PTPN22: variants seen among roughly 807,000 people sequenced by gnomAD.
PTPN22 encodes the protein tyrosine-protein phosphatase non-receptor type 22.
In PTPN22, 85 loss-of-function variants were observed where a neutral mutation model predicts 103.3. That is an observed-to-expected ratio of 0.82 (90% CI 0.69 to 0.99). The LOEUF is 0.99. PTPN22 is among the 50% of genes least tolerant of loss of function. The pLI is 0.00. For synonymous variants in PTPN22, 323 were observed against 310.2 expected, an observed-to-expected ratio of 1.04 and a Z score of -0.43; for missense variants, 865 against 936.9, an observed-to-expected ratio of 0.92 and a Z score of 1.00.
intron 9 of PTPN22, among the ~76,000 whole-genome samples, chr1:113,853,427 T>G (rs1368710472): frequency 6.7e-6 from 1 of 149,700 alleles, no homozygotes; most frequent in Non-Finnish European, 1.5e-5. Flanking sequence ...CTTGGCTCAC[T>G]GCAACCTCCA....
At chr1:113,834,240 TA>T in intron 15 of PTPN22, 68 bp downstream of exon 15, 1 of 1,473,982 alleles carries the variant, frequency 6.8e-7, no homozygotes, top group Non-Finnish European at 9.3e-7. Flanking sequence ...TGATGGGTGT[TA>T]AAAATACAAG....
rs948384590 is a variant in PTPN22, at chr1:113,838,382, T to G, written c.1018A>C (p.Asn340His). 4.4e-6 allele frequency: 7 copies of G among 1,591,248 alleles called. No individual in the cohort carries two copies. In the Admixed American group the frequency reaches 7.2e-5, roughly 16 times the overall value. ...ATTTCCATTTTTGTCCTTTGTTGGT[T>G]CATCATTTTTGCTGCTTTTGTGGTA... The change falls in exon 13 of 21, where the codon AAC becomes CAC. Residue 340 changes from asparagine (N) to histidine (H), a missense_variant. Physicochemically the swap from Asn to His is moderately conservative, Grantham distance 68. Coordinates refer to ENST00000359785, the Ensembl canonical transcript of PTPN22.
chr1:113,835,289 C>T (rs1172602745), intron 13 of PTPN22, among the ~76,000 whole-genome samples: 3 of 152,084 alleles, frequency 2.0e-5, no homozygotes, highest in African/African-American at 7.2e-5. Flanking sequence ...GAGGCCGAGG[C>T]GGGCAGATCA....
intron 1 of PTPN22, among the ~76,000 whole-genome samples, chr1:113,861,225 G>GTTTTTTTGTTTGTT: frequency 6.6e-6 from 1 of 151,912 alleles, no homozygotes; most frequent in East Asian, 1.9e-4. Context: ...TTTTCTTTCT[G>GTTTTTTTGTTTGTT]TTTTTTTGTT....
intron 1 of PTPN22, among the ~76,000 whole-genome samples, chr1:113,870,353 C>T (rs1303769899): frequency 6.6e-6 from 1 of 152,148 alleles, no homozygotes; most frequent in African/African-American, 2.4e-5. Flanking sequence ...TCTTTCCACC[C>T]ATTTCTTCAC....
chr1:113,823,247 G>A (rs1354508438), intron 19 of PTPN22: 1 of 152,090 alleles, frequency 6.6e-6, no homozygotes, highest in Non-Finnish European at 1.5e-5. Flanking sequence ...AATATTCATT[G>A]AATGAATGAA....
In PTPN22 at chr1:113,833,103, A is replaced by G; in HGVS notation, c.2053+8T>C. The G allele has an allele frequency of 6.4e-7, 1 of 1,566,662 alleles. No homozygotes were observed. The highest frequency in any genetic ancestry group is 8.8e-7 in the Non-Finnish European group (1 of 1,140,836). On this transcript the variant is annotated splice_region_variant and intron_variant, in intron 16 of 20. Coordinates refer to ENST00000359785, the Ensembl canonical transcript of PTPN22. ...TAAATGTCATCTAAAGCCAAGAGAA[A>G]TTTTTACCTGATTTAGGACTTCGGA...
chr1:113,819,576 C>G lies in PTPN22; in HGVS notation c.2359+1G>C, dbSNP rs770983346. The G allele has an allele frequency of 8.8e-6, 14 of 1,595,666 alleles. No homozygotes were observed. The East Asian group carries it at 3.1e-4, about 36-fold the overall frequency. On this transcript the variant is annotated splice_donor_variant, in intron 20 of 20. Transcript: ENST00000359785. LOFTEE classifies it high-confidence loss of function. ...ACTCTTCAGTAAAATAACACACATACCAAAATTCAGAAATGAGCTGGAGTT... is the reference window on the plus strand; with the variant it reads ...ACTCTTCAGTAAAATAACACACATAGCAAAATTCAGAAATGAGCTGGAGTT...
At chr1:113,846,462 A>T (rs1664057303) in intron 11 of PTPN22, among the ~76,000 whole-genome samples, 1 of 152,218 alleles carries the variant, frequency 6.6e-6, no homozygotes, top group African/African-American at 2.4e-5. Context: ...TAATACATTT[A>T]GAACAACATC....
At chr1:113,850,531 A>C (rs1217406) in intron 10 of PTPN22, among the ~76,000 whole-genome samples, 85,102 of 152,072 alleles carry the variant, frequency 0.56, 24,579 homozygotes, top group South Asian at 0.65. Flanking sequence ...ATACTTCTGG[A>C]ATCTTTATGC....
chr1:113,856,753 C>T (rs1169670039), intron 5 of PTPN22, 134 bp from the exon 6 acceptor site: 3 of 1,091,148 alleles, frequency 2.7e-6, no homozygotes, highest in Non-Finnish European at 2.6e-6. Context: ...GGCTTCAACC[C>T]CTACATTATT....
intron 11 of PTPN22, among the ~76,000 whole-genome samples, chr1:113,843,684 G>A (rs1211925565): frequency 6.6e-6 from 1 of 152,150 alleles, no homozygotes; most frequent in African/African-American, 2.4e-5. Context: ...AAATTAAAAT[G>A]ATATATTATA....
intron 11 of PTPN22, among the ~76,000 whole-genome samples, chr1:113,848,163 C>G (rs528694649): frequency 6.6e-6 from 1 of 152,182 alleles, no homozygotes; most frequent in East Asian, 1.9e-4. Context: ...ATCCTCCTGC[C>G]TCAGCCTCTG....
chr1:113,855,903 T>A (rs1010433823), intron 7 of PTPN22, among the ~76,000 whole-genome samples: 3 of 152,226 alleles, frequency 2.0e-5, no homozygotes, highest in Admixed American at 6.5e-5. Context: ...CTCAAACTGG[T>A]CCCCAGTCTC....
chr1:113,856,800 T>C (rs1344057813), intron 5 of PTPN22, 181 bp from the exon 6 acceptor site: 4 of 702,240 alleles, frequency 5.7e-6, no homozygotes, highest in Non-Finnish European at 2.3e-6. Flanking sequence ...CATTAAAGGA[T>C]ATATAAATTA....
intron 9 of PTPN22, among the ~76,000 whole-genome samples, chr1:113,853,352 C>CTTTT (rs1314425403): frequency 2.3e-5 from 3 of 130,292 alleles, no homozygotes; most frequent in Non-Finnish European, 4.9e-5. Context: ...CTTTTTCTTT[C>CTTTT]TTTTTTTTTT....
chr1:113,864,800 T>C (rs1352581070), intron 1 of PTPN22, among the ~76,000 whole-genome samples: 1 of 151,912 alleles, frequency 6.6e-6, no homozygotes, highest in African/African-American at 2.4e-5. Flanking sequence ...TAGTCCCAGC[T>C]ATTCAGGAGG....
intron 18 of PTPN22, among the ~76,000 whole-genome samples, chr1:113,827,549 GATTT>G (rs1393434403): frequency 6.6e-6 from 1 of 151,946 alleles, no homozygotes; most frequent in Non-Finnish European, 1.5e-5. Context: ...CATGATTTAT[GATTT>G]ATTTAATCAG....
chr1:113,835,772 G>C (rs944354373), intron 13 of PTPN22, among the ~76,000 whole-genome samples: 8 of 152,020 alleles, frequency 5.3e-5, no homozygotes, highest in African/African-American at 1.9e-4. Context: ...AAGAATATGG[G>C]TATTTTTCCA....
Sources: allele counts gnomAD v4.1 joint callset (sites outside exome capture counted in the v4.1 genomes callset), GRCh38; gene constraint gnomAD v4.1.1; transcripts MANE v1.5; gene names NCBI Gene and HGNC (gene_info 2026-07-23, HGNC 2026-07-21).